The following ZDHHC15 variants were observed in gnomAD, a reference collection of about 807,000 sequenced individuals.
ZDHHC15 encodes the protein palmitoyltransferase ZDHHC15.
A neutral mutation model predicts 31.7 loss-of-function variants in ZDHHC15; 19 were observed. The observed-to-expected ratio is 0.60, with a 90% CI of 0.42 to 0.88. The LOEUF is 0.88. Ranked by LOEUF, ZDHHC15 falls within the 40% of genes least tolerant of loss-of-function variation. ZDHHC15 has a pLI of 0.00. For missense variants in ZDHHC15, 209 were observed against 251.2 expected (o/e 0.83, Z 1.14); for synonymous variants, 103 against 90.0 (o/e 1.14, Z -0.82).
At chrX:75,391,363 C>G (rs1159348035) in intron 10 of ZDHHC15, among the ~76,000 whole-genome samples, 2 of 111,654 alleles carry the variant, frequency 1.8e-5, no homozygotes, top group Non-Finnish European at 3.8e-5. Flanking sequence ...TATTCAATTA[C>G]AAGAAGGTGA....
rs549868571 is a variant in ZDHHC15 at position 75,485,881 on chromosome X, G to A, written c.164-6896C>T. ...ACTTTCATAATCAAGAAAAAAATAAGCTTCAGTTTTAAGTTGATCATTAAT... is the reference window on the plus strand; with the variant it reads ...ACTTTCATAATCAAGAAAAAAATAAACTTCAGTTTTAAGTTGATCATTAAT... On this transcript the variant is annotated intron_variant, in intron 2 of 11. Transcript: ENST00000373367. 2.7e-5 allele frequency among the ~76,000 whole-genome samples: 3 copies of A among 111,841 alleles called. No individual in the cohort carries two copies. In the South Asian group the frequency reaches 1.1e-3, roughly 42 times the overall value.
chrX:75,461,961 T>A (rs1275419150), intron 3 of ZDHHC15, among the ~76,000 whole-genome samples: 1 of 110,425 alleles, frequency 9.1e-6, no homozygotes, highest in Non-Finnish European at 1.9e-5. Context: ...GGGCTAAATG[T>A]CTCAATTAAA....
chrX:75,470,274 G>A (rs2084483374), intron 3 of ZDHHC15, among the ~76,000 whole-genome samples: 2 of 111,540 alleles, frequency 1.8e-5, no homozygotes, highest in African/African-American at 6.5e-5. Context: ...TCCTGCCCTC[G>A]AACATTGGAC....
chrX:75,501,760 G>C (rs1231932883), intron 2 of ZDHHC15: 1 of 108,601 alleles, frequency 9.2e-6, no homozygotes, highest in Non-Finnish European at 1.9e-5. Context: ...AAAATTGTCT[G>C]TTCATGCCCT....
At chrX:75,488,816 C>A (rs2084820144) in intron 2 of ZDHHC15, among the ~76,000 whole-genome samples, 1 of 112,198 alleles carries the variant, frequency 8.9e-6, no homozygotes, top group Non-Finnish European at 1.9e-5. Context: ...ACCTAGGAAG[C>A]ACAAGGGGTC....
chrX:75,446,664 C>G (rs190109691), intron 4 of ZDHHC15, among the ~76,000 whole-genome samples: 87 of 111,538 alleles, frequency 7.8e-4, no homozygotes, highest in Admixed American at 2.3e-3. Flanking sequence ...TCGCATGGTT[C>G]TCGAGGCTTG....
chrX:75,507,341 GAAGT>G (rs1340690794), intron 1 of ZDHHC15, among the ~76,000 whole-genome samples: 1 of 110,326 alleles, frequency 9.1e-6, no homozygotes, highest in Non-Finnish European at 1.9e-5. Flanking sequence ...AATTGTGTAG[GAAGT>G]AAGTCCAAGG....
At chrX:75,469,498 TG>T (rs960848126) in intron 3 of ZDHHC15, among the ~76,000 whole-genome samples, 1 of 112,259 alleles carries the variant, frequency 8.9e-6, no homozygotes, top group Non-Finnish European at 1.9e-5. Flanking sequence ...ATTAGCCTTT[TG>T]TTACTGGTTT....
At chrX:75,483,036 T>A (rs1230207576) in intron 2 of ZDHHC15, among the ~76,000 whole-genome samples, 1 of 101,382 alleles carries the variant, frequency 9.9e-6, no homozygotes, top group Non-Finnish European at 1.9e-5. Flanking sequence ...TACACACACA[T>A]ACATATATAC....
intron 10 of ZDHHC15, among the ~76,000 whole-genome samples, chrX:75,407,658 C>T (rs1328583480): frequency 5.3e-5 from 6 of 112,487 alleles, no homozygotes; most frequent in Non-Finnish European, 9.4e-5. Flanking sequence ...CTGGCCACCC[C>T]ATCTGGGAAG....
chrX:75,383,239 C>T lies in ZDHHC15; in HGVS notation c.968-4041G>A, dbSNP rs141126666. 3.6e-5 allele frequency among the ~76,000 whole-genome samples: 4 copies of T among 112,272 alleles called. No individual in the cohort carries two copies. The East Asian group carries it at 1.1e-3, about 31-fold the overall frequency. Reference sequence around the variant, plus strand: ...GTTTACAACTCACAAAGTGGTTATACCTGGCACATAATTGGCATTCAACAA... The same window carrying T: ...GTTTACAACTCACAAAGTGGTTATATCTGGCACATAATTGGCATTCAACAA... On this transcript the variant is annotated intron_variant, in intron 10 of 11. Transcript: ENST00000373367.
At chrX:75,471,627 T>C (rs961852385) in intron 3 of ZDHHC15, among the ~76,000 whole-genome samples, 3 of 112,101 alleles carry the variant, frequency 2.7e-5, no homozygotes, top group African/African-American at 6.5e-5. Flanking sequence ...CATTCCTCAT[T>C]TGAGCATGTT....
chrX:75,433,371 C>A (rs749727982), intron 4 of ZDHHC15, among the ~76,000 whole-genome samples: 1 of 110,219 alleles, frequency 9.1e-6, no homozygotes, highest in Non-Finnish European at 1.9e-5. Flanking sequence ...GATTTTGGTG[C>A]ACCCACCATC....
Position 75,495,055 on chromosome X carries a change from A to G in ZDHHC15, c.163+10766T>C, listed in dbSNP as rs984683604. Among the ~76,000 whole-genome samples, 6 of 112,011 alleles carry G rather than the reference A, an allele frequency of 5.4e-5. No homozygotes were observed. The South Asian group carries it at 2.2e-3, about 42-fold the overall frequency. On this transcript the variant is annotated intron_variant, in intron 2 of 11. Coordinates refer to ENST00000373367, the MANE Select transcript of ZDHHC15 (RefSeq NM_144969.3). ...CTCATCTGTCAAAGGGCTAATATCCAGAATCTACAATGAACTTAAACAAAT... is the reference window on the plus strand; with the variant it reads ...CTCATCTGTCAAAGGGCTAATATCCGGAATCTACAATGAACTTAAACAAAT...
intron 4 of ZDHHC15, among the ~76,000 whole-genome samples, chrX:75,439,097 T>C (rs1292450294): frequency 9.0e-6 from 1 of 111,644 alleles, no homozygotes; most frequent in African/African-American, 3.3e-5. Flanking sequence ...TTTTCTCCTT[T>C]GTCTTGACTT....
chrX:75,477,177 T>A (rs1471859450), intron 3 of ZDHHC15, among the ~76,000 whole-genome samples: 1 of 111,988 alleles, frequency 8.9e-6, no homozygotes, highest in African/African-American at 3.2e-5. Flanking sequence ...TATGAAACTG[T>A]AGATTTCTTT....
chrX:75,478,374 A>T (rs1005303832), intron 3 of ZDHHC15, among the ~76,000 whole-genome samples: 1 of 111,059 alleles, frequency 9.0e-6, no homozygotes, highest in African/African-American at 3.3e-5. Context: ...CAATGCAGGT[A>T]GTGGTTTCCT....
At chrX:75,432,942 C>T (rs1186130244) in intron 4 of ZDHHC15, among the ~76,000 whole-genome samples, 7 of 111,136 alleles carry the variant, frequency 6.3e-5, no homozygotes, top group Non-Finnish European at 1.3e-4. Context: ...CATGAATGAA[C>T]CACTGTACTC....
At chrX:75,409,125 G>T (rs775648506) in intron 10 of ZDHHC15, among the ~76,000 whole-genome samples, 1 of 111,366 alleles carries the variant, frequency 9.0e-6, no homozygotes, top group Non-Finnish European at 1.9e-5. Context: ...AACAAAAAAA[G>T]ACCCCAAATA....
Sources: allele counts gnomAD v4.1 joint callset (sites outside exome capture counted in the v4.1 genomes callset), GRCh38; gene constraint gnomAD v4.1.1; transcripts MANE v1.5; gene names NCBI Gene and HGNC (gene_info 2026-07-23, HGNC 2026-07-21).